PDIA5: variants seen among roughly 807,000 people sequenced by gnomAD.
PDIA5 encodes protein disulfide-isomerase A5.
In PDIA5, 58 loss-of-function variants were observed where a neutral mutation model predicts 77.6. The ratio of observed to expected loss-of-function variants is 0.75; its 90% confidence interval spans 0.61 to 0.93. The LOEUF is 0.93. PDIA5 is among the 40% of genes least tolerant of loss of function. The pLI is 0.00. For synonymous variants in PDIA5, 250 were observed against 252.1 expected (o/e 0.99, Z 0.08); for missense variants, 630 against 647.7 (o/e 0.97, Z 0.30).
intron 11 of PDIA5, among the ~76,000 whole-genome samples, chr3:123,132,006 A>T (rs1328544910): frequency 6.6e-6 from 1 of 151,752 alleles, no homozygotes; most frequent in East Asian, 1.9e-4. Context: ...AAATGTTATT[A>T]CTCCTCTTAA....
At chr3:123,133,711 C>T (rs1935425350) in intron 11 of PDIA5, among the ~76,000 whole-genome samples, 1 of 152,172 alleles carries the variant, frequency 6.6e-6, no homozygotes, top group Non-Finnish European at 1.5e-5. Flanking sequence ...TCACATTTGG[C>T]AGGGTTAGCC....
chr3:123,105,707 C>T (rs1365916961), intron 5 of PDIA5, among the ~76,000 whole-genome samples: 2 of 150,164 alleles, frequency 1.3e-5, no homozygotes, highest in African/African-American at 4.9e-5. Flanking sequence ...TATAGAAGGG[C>T]ACTTCCCTTT....
chr3:123,146,360 C>A, intron 13 of PDIA5, 101 bp downstream of exon 13: 1 of 990,268 alleles, frequency 1.0e-6, no homozygotes, highest in Non-Finnish European at 1.5e-6. Context: ...ATGTCCTGGG[C>A]TCATGCCCGT....
intron 2 of PDIA5, among the ~76,000 whole-genome samples, chr3:123,091,448 G>A (rs1053434757): frequency 1.3e-5 from 2 of 152,150 alleles, no homozygotes; most frequent in South Asian, 2.1e-4. Flanking sequence ...CTAGGAGAAC[G>A]TGACTCAGGA....
intron 1 of PDIA5, among the ~76,000 whole-genome samples, chr3:123,079,706 A>G (rs941572575): frequency 3.9e-5 from 6 of 152,306 alleles, no homozygotes; most frequent in African/African-American, 1.4e-4. Flanking sequence ...CAAGTCAAAG[A>G]GCATAAATAC....
At chr3:123,087,192 C>T (rs1934162068) in intron 1 of PDIA5, among the ~76,000 whole-genome samples, 1 of 151,908 alleles carries the variant, frequency 6.6e-6, no homozygotes, top group African/African-American at 2.4e-5. Context: ...AATTTATTTG[C>T]TTTTTTAGAG....
At chr3:123,111,580 A>T (rs1934865645) in intron 7 of PDIA5, among the ~76,000 whole-genome samples, 1 of 152,226 alleles carries the variant, frequency 6.6e-6, no homozygotes, top group Non-Finnish European at 1.5e-5. Context: ...CAGCCAGAAC[A>T]TGTGGGTTTG....
At position 123,102,323 on chromosome 3, in the gene PDIA5, T is replaced by C. The variant is rs111909387; in HGVS notation, c.258-88T>C. 403 of 959,920 alleles carry C rather than the reference T, an allele frequency of 4.2e-4. 1 individual carries two copies. The African/African-American group carries it at 5.8e-3, about 14-fold the overall frequency. The allele number at this position is 959,920 out of a possible 1,614,324, so 59.5% of individuals were successfully genotyped here. On this transcript the variant is annotated intron_variant, in intron 3 of 16. Coordinates refer to ENST00000316218, the MANE Select transcript of PDIA5 (RefSeq NM_006810.4). ...ATTGAGAATTCCAAGTTACCTGACT[T>C]ATTTCTTAGGACACCAGCAGATTTT...
intron 11 of PDIA5, among the ~76,000 whole-genome samples, chr3:123,140,878 C>T (rs1438283200): frequency 6.6e-6 from 1 of 152,204 alleles, no homozygotes; most frequent in Non-Finnish European, 1.5e-5. Flanking sequence ...GTATTGACCC[C>T]AGCTGGCTTC....
chr3:123,068,590 G>A (rs1933642703), intron 1 of PDIA5, among the ~76,000 whole-genome samples: 1 of 152,248 alleles, frequency 6.6e-6, no homozygotes, highest in Non-Finnish European at 1.5e-5. Context: ...TTGCACTTGG[G>A]CTGAGTAGGA....
At chr3:123,076,671 C>T (rs563975905) in intron 1 of PDIA5, among the ~76,000 whole-genome samples, 1 of 152,158 alleles carries the variant, frequency 6.6e-6, no homozygotes, top group Non-Finnish European at 1.5e-5. Context: ...TATCAGTTAA[C>T]GGAGCTTGGA....
intron 6 of PDIA5, among the ~76,000 whole-genome samples, chr3:123,110,420 C>T (rs1016479938): frequency 2.6e-5 from 4 of 152,136 alleles, no homozygotes; most frequent in East Asian, 1.9e-4. Flanking sequence ...GAGAGATTAG[C>T]GAGAGATTAG....
At chr3:123,141,870 C>A (rs1362769106) in intron 11 of PDIA5, among the ~76,000 whole-genome samples, 2 of 152,208 alleles carry the variant, frequency 1.3e-5, no homozygotes, top group African/African-American at 4.8e-5. Flanking sequence ...TAAGCCTGGG[C>A]CCCTGTGCAT....
chr3:123,105,829 G>A (rs11716178), intron 5 of PDIA5, among the ~76,000 whole-genome samples: 8,877 of 152,100 alleles, frequency 0.058, 459 homozygotes, highest in African/African-American at 0.14. Context: ...ACAGAATCTG[G>A]CTGGGGTCTG....
At chr3:123,114,228 A>G (rs1446730075) in intron 7 of PDIA5, among the ~76,000 whole-genome samples, 1 of 152,248 alleles carries the variant, frequency 6.6e-6, no homozygotes, top group Non-Finnish European at 1.5e-5. Flanking sequence ...AATGTGGCCC[A>G]GTGGGGGTCA....
At chr3:123,099,851 G>A (rs934239823) in intron 3 of PDIA5, among the ~76,000 whole-genome samples, 2 of 152,264 alleles carry the variant, frequency 1.3e-5, no homozygotes, top group Non-Finnish European at 2.9e-5. Context: ...GTCACAGGCA[G>A]AGGCTGCCAG....
rs1364489740 is a variant in PDIA5 at position 123,089,193 on chromosome 3, C to T, written c.68C>T (p.Ser23Phe). 1 of 1,614,012 alleles carries T rather than the reference C, an allele frequency of 6.2e-7. No homozygotes were observed. ...IWVVLPSWLS[S>F]AKVSSLIERI... ...GTGGTCCTGCCATCATGGCTGTCCTCTGCAAAGGTCTCCTCGCTCATTGAG... is the reference window on the plus strand; with the variant it reads ...GTGGTCCTGCCATCATGGCTGTCCTTTGCAAAGGTCTCCTCGCTCATTGAG... Residue 23 changes from serine to phenylalanine, a missense_variant, in exon 2 of 17, where the codon TCT becomes TTT. Physicochemically the swap from Ser to Phe is radical, Grantham distance 155. Coordinates refer to ENST00000316218, the MANE Select transcript of PDIA5 (RefSeq NM_006810.4).
At chr3:123,146,756 G>C (rs1935780886) in intron 13 of PDIA5, among the ~76,000 whole-genome samples, 1 of 152,214 alleles carries the variant, frequency 6.6e-6, no homozygotes, top group Non-Finnish European at 1.5e-5. Flanking sequence ...CCAAGTAACA[G>C]ACCAGGTGGC....
At chr3:123,107,059 A>G (rs1332361563) in intron 6 of PDIA5, among the ~76,000 whole-genome samples, 3 of 152,176 alleles carry the variant, frequency 2.0e-5, no homozygotes, top group Admixed American at 1.3e-4. Flanking sequence ...AATTTTCTCC[A>G]TTCTTCACCT....
Sources: allele counts gnomAD v4.1 joint callset (sites outside exome capture counted in the v4.1 genomes callset), GRCh38; gene constraint gnomAD v4.1.1; transcripts MANE v1.5; gene names NCBI Gene and HGNC (gene_info 2026-07-23, HGNC 2026-07-21).